The following SLC35F4 variants were observed in gnomAD, a reference collection of about 807,000 sequenced individuals.
SLC35F4 encodes solute carrier family 35 member F4.
In SLC35F4, 24 loss-of-function variants were observed where a neutral mutation model predicts 44.2. That is an observed-to-expected ratio of 0.54 (90% CI 0.39 to 0.76). The LOEUF (loss-of-function observed/expected upper bound fraction) is 0.76, where lower values mean the gene tolerates loss of function less well. SLC35F4 is among the 30% of genes least tolerant of loss of function. SLC35F4 has a pLI of 0.00. For missense variants in SLC35F4, 562 were observed against 586.1 expected, an observed-to-expected ratio of 0.96 and a Z score of 0.42; for synonymous variants, 238 against 223.6, an observed-to-expected ratio of 1.06 and a Z score of -0.57.
intron 1 of SLC35F4, among the ~76,000 whole-genome samples, chr14:57,933,695 C>A (rs1348777248): frequency 6.6e-6 from 1 of 152,094 alleles, no homozygotes; most frequent in East Asian, 1.9e-4. Context: ...TGGTTTCACA[C>A]AAATATTGAC....
chr14:57,696,920 G>C (rs1391358918), intron 1 of SLC35F4, among the ~76,000 whole-genome samples: 2 of 152,124 alleles, frequency 1.3e-5, no homozygotes, highest in East Asian at 3.9e-4. Flanking sequence ...GCCTGTCCGG[G>C]GTTGTGGGGG....
intron 1 of SLC35F4, among the ~76,000 whole-genome samples, chr14:57,855,783 C>G (rs1192266092): frequency 1.3e-5 from 2 of 152,154 alleles, no homozygotes; most frequent in Non-Finnish European, 2.9e-5. Context: ...AGACTTGGAA[C>G]CAACCCAAAT....
chr14:57,878,324 T>C (rs1269700330), intron 1 of SLC35F4, among the ~76,000 whole-genome samples: 2 of 152,164 alleles, frequency 1.3e-5, no homozygotes, highest in East Asian at 3.9e-4. Context: ...CCTATTCTAA[T>C]TTGTTTTTCT....
intron 1 of SLC35F4, among the ~76,000 whole-genome samples, chr14:57,873,419 C>G (rs1435906816): frequency 1.3e-5 from 2 of 151,946 alleles, no homozygotes; most frequent in Non-Finnish European, 2.9e-5. Context: ...CTCAAATGTC[C>G]CAAAAATAGG....
intron 1 of SLC35F4, among the ~76,000 whole-genome samples, chr14:57,729,610 G>A (rs1314003183): frequency 6.6e-6 from 1 of 152,032 alleles, no homozygotes; most frequent in Non-Finnish European, 1.5e-5. Flanking sequence ...GTATCCAAGG[G>A]GAAAGACAAA....
At chr14:57,841,449 T>C (rs1885473197) in intron 1 of SLC35F4, among the ~76,000 whole-genome samples, 1 of 152,196 alleles carries the variant, frequency 6.6e-6, no homozygotes, top group African/African-American at 2.4e-5. Context: ...ATCCAACTTT[T>C]TCTTAGAAAG....
At chr14:57,853,662 C>T (rs7142875) in intron 1 of SLC35F4, among the ~76,000 whole-genome samples, 2,116 of 152,060 alleles carry the variant, frequency 0.014, 59 homozygotes, top group African/African-American at 0.045. Context: ...GACACGTAAA[C>T]GCTGGAACTG....
intron 1 of SLC35F4, among the ~76,000 whole-genome samples, chr14:57,654,461 A>C (rs1184928993): frequency 6.6e-6 from 1 of 152,208 alleles, no homozygotes; most frequent in African/African-American, 2.4e-5. Context: ...CACAGTGTAT[A>C]TATACCACAT....
chr14:57,840,121 A>C (rs2140958386), intron 1 of SLC35F4, among the ~76,000 whole-genome samples: 1 of 152,284 alleles, frequency 6.6e-6, no homozygotes, highest in Non-Finnish European at 1.5e-5. Flanking sequence ...CAAGGAGGAG[A>C]GAACTTTTAA....
chr14:57,782,296 T>A (rs1488459932), intron 1 of SLC35F4, among the ~76,000 whole-genome samples: 1 of 83,226 alleles, frequency 1.2e-5, no homozygotes, highest in African/African-American at 5.3e-5. Context: ...TATACATGGA[T>A]TTTTTTTCAA....
intron 1 of SLC35F4, among the ~76,000 whole-genome samples, chr14:57,815,996 G>A (rs1882527462): frequency 6.6e-6 from 1 of 152,174 alleles, no homozygotes; most frequent in African/African-American, 2.4e-5. Context: ...AGAGAGCCAA[G>A]CTTTCAAAAA....
At chr14:57,945,709 CA>C (rs1469420943) in intron 1 of SLC35F4, among the ~76,000 whole-genome samples, 1 of 152,122 alleles carries the variant, frequency 6.6e-6, no homozygotes, top group African/African-American at 2.4e-5. Context: ...CTGTTTTCCA[CA>C]GTGGTTTTAC....
chr14:57,883,914 T>A (rs1330712830), intron 1 of SLC35F4, among the ~76,000 whole-genome samples: 1 of 152,222 alleles, frequency 6.6e-6, no homozygotes, highest in Non-Finnish European at 1.5e-5. Context: ...GTACAGTATT[T>A]GATTGTCCGT....
chr14:57,802,943 T>A (rs1393011634), intron 1 of SLC35F4, among the ~76,000 whole-genome samples: 1 of 140,968 alleles, frequency 7.1e-6, no homozygotes, highest in Non-Finnish European at 1.5e-5. Flanking sequence ...AACTCATTCA[T>A]GAGGCCAGCA....
chr14:57,911,049 T>C (rs1889208040), intron 1 of SLC35F4, among the ~76,000 whole-genome samples: 1 of 152,028 alleles, frequency 6.6e-6, no homozygotes, highest in African/African-American at 2.4e-5. Flanking sequence ...TTGTAATGTG[T>C]TTTAATTTTA....
intron 1 of SLC35F4, among the ~76,000 whole-genome samples, chr14:57,642,245 T>C (rs1215662107): frequency 6.6e-6 from 1 of 151,938 alleles, no homozygotes; most frequent in African/African-American, 2.4e-5. Context: ...TTTCTACGTT[T>C]AACTCTTTCC....
At chr14:57,583,928 A>G (rs931929080) in intron 3 of SLC35F4, among the ~76,000 whole-genome samples, 2 of 152,216 alleles carry the variant, frequency 1.3e-5, no homozygotes, top group Non-Finnish European at 2.9e-5. Context: ...GACAGGTGGT[A>G]TAGCTTGAAA....
At chr14:57,775,014 A>T (rs1440775828) in intron 1 of SLC35F4, among the ~76,000 whole-genome samples, 1 of 152,018 alleles carries the variant, frequency 6.6e-6, no homozygotes, top group Non-Finnish European at 1.5e-5. Flanking sequence ...CCCCACCAGC[A>T]CTCCACCATA....
At position 57,689,206 on chromosome 14, in the gene SLC35F4, A is replaced by T. The variant is rs140093655; in HGVS notation, c.104-95082T>A. Among the ~76,000 whole-genome samples, 630 of 152,268 alleles carry T rather than the reference A, an allele frequency of 4.1e-3. 7 individuals are homozygous for T. Among genetic ancestry groups the T allele is most frequent in the African/African-American group, 0.014 (587 of 41,554 alleles). The stretch of plus-strand genomic sequence containing the variant: ...TCCTATATTGTTGACCTCAGTTAAC[A>T]GCATCCTCCTCCAATTGAATTAGTA... On this transcript the variant is annotated intron_variant, in intron 1 of 7. Coordinates refer to ENST00000556826, the MANE Select transcript of SLC35F4 (RefSeq NM_001306087.2).
Sources: allele counts gnomAD v4.1 joint callset (sites outside exome capture counted in the v4.1 genomes callset), GRCh38; gene constraint gnomAD v4.1.1; transcripts MANE v1.5; gene names NCBI Gene and HGNC (gene_info 2026-07-23, HGNC 2026-07-21).